Variants in EFR3A observed in about 807,000 individuals in gnomAD.
The protein encoded by EFR3A is EFR3 homolog A.
Under a neutral mutation model 104.4 loss-of-function variants are expected in EFR3A, and 76 were observed. That is an observed-to-expected ratio of 0.73 (90% CI 0.60 to 0.88). EFR3A has a LOEUF of 0.88. Ranked by LOEUF, EFR3A falls within the 40% of genes least tolerant of loss-of-function variation. The pLI is 0.00. For synonymous variants in EFR3A, 330 were observed against 330.0 expected, an observed-to-expected ratio of 1.00 and a Z score of 0.00; for missense variants, 985 against 1,012.5, an observed-to-expected ratio of 0.97 and a Z score of 0.37.
chr8:131,973,345 A>G (rs1289700011), intron 10 of EFR3A, among the ~76,000 whole-genome samples: 1 of 152,064 alleles, frequency 6.6e-6, no homozygotes, highest in African/African-American at 2.4e-5. Flanking sequence ...TAAATCAGCT[A>G]ATCTTGTTTT....
chr8:131,998,529 C>G (rs1437201277), intron 19 of EFR3A, among the ~76,000 whole-genome samples: 1 of 151,962 alleles, frequency 6.6e-6, no homozygotes. Context: ...TATTGAAATA[C>G]CTGATCCACT....
chr8:131,913,354 A>G (rs1816606013), intron 1 of EFR3A, among the ~76,000 whole-genome samples: 1 of 151,784 alleles, frequency 6.6e-6, no homozygotes, highest in African/African-American at 2.4e-5. Context: ...TCTTCTTTCC[A>G]TGTATGGTAT....
Position 131,904,223 on chromosome 8 carries a change from C to A in EFR3A, c.-90C>A. Reference sequence around the variant, plus strand: ...GCCCTTCGCCTCGTTCCGGCCTCCGCGGCCCAGCAACGGCCGTCATGGTGC... The same window carrying A: ...GCCCTTCGCCTCGTTCCGGCCTCCGAGGCCCAGCAACGGCCGTCATGGTGC... On this transcript the variant is annotated 5_prime_UTR_variant, in exon 1 of 23. Transcript: ENST00000254624. 1 of 1,244,428 alleles carries A rather than the reference C, an allele frequency of 8.0e-7. No homozygotes were observed. The highest frequency in any genetic ancestry group is 2.9e-5 in the South Asian group (1 of 34,250). The allele number at this position is 1,244,428 out of a possible 1,614,324, so 77.1% of individuals were successfully genotyped here. A position where few individuals can be genotyped will look rare whatever the true frequency, so the allele number is the denominator to read the frequency against.
intron 1 of EFR3A, chr8:131,924,089 G>A: frequency 2.7e-5 from 12 of 439,780 alleles, no homozygotes; most frequent in South Asian, 1.8e-4. Flanking sequence ...TATTTCTTAG[G>A]TCATAAAATG....
Position 131,944,886 on chromosome 8 carries a change from T to C in EFR3A, c.215+14T>C, listed in dbSNP as rs766722660. 3 of 1,603,838 alleles carry C rather than the reference T, an allele frequency of 1.9e-6. No homozygotes were observed. The African/African-American group carries it at 4.0e-5, about 22-fold the overall frequency. ...ACATCGTTCTGGGTAAGGAAACTAA[T>C]GGCTGCTAAAATAGTATCTTTGGAA... On this transcript the variant is annotated intron_variant, in intron 3 of 22. Coordinates refer to ENST00000254624, the MANE Select transcript of EFR3A (RefSeq NM_015137.6).
chr8:131,981,859 C>A (rs1820631610), intron 14 of EFR3A, among the ~76,000 whole-genome samples: 1 of 152,012 alleles, frequency 6.6e-6, no homozygotes, highest in African/African-American at 2.4e-5. Flanking sequence ...TATCACTTCA[C>A]CTGTAATTTC....
intron 22 of EFR3A, among the ~76,000 whole-genome samples, chr8:132,005,951 CATTAA>C (rs2130814520): frequency 6.6e-6 from 1 of 152,176 alleles, no homozygotes; most frequent in African/African-American, 2.4e-5. Context: ...AAGTATAATG[CATTAA>C]CACATATCTA....
chr8:131,915,440 T>C (rs16904549), intron 1 of EFR3A, among the ~76,000 whole-genome samples: 38,866 of 152,140 alleles, frequency 0.26, 5,312 homozygotes, highest in East Asian at 0.44. Flanking sequence ...GGATTTCTCT[T>C]AGCAAATATT....
intron 1 of EFR3A, among the ~76,000 whole-genome samples, chr8:131,915,252 C>T (rs1429575283): frequency 2.0e-5 from 3 of 152,138 alleles, no homozygotes; most frequent in Non-Finnish European, 2.9e-5. Context: ...ATCAATAGCT[C>T]GGGAACCTAG....
At chr8:131,979,456 TAA>T (rs1820492881) in intron 14 of EFR3A, 35 bp downstream of exon 14, 1 of 1,369,994 alleles carries the variant, frequency 7.3e-7, no homozygotes, top group Non-Finnish European at 1.0e-6. Context: ...ATGTGTAGTG[TAA>T]ATTACAGCCG....
chr8:132,010,144 A>G (rs1040143178), intron 22 of EFR3A, among the ~76,000 whole-genome samples: 1 of 151,810 alleles, frequency 6.6e-6, no homozygotes, highest in African/African-American at 2.4e-5. Context: ...AAGACTGACT[A>G]TATCTAATAT....
chr8:131,944,701 G>C, intron 2 of EFR3A, 44 bp from the exon 3 acceptor site: 1 of 1,496,390 alleles, frequency 6.7e-7, no homozygotes, highest in Non-Finnish European at 8.9e-7. Flanking sequence ...AATATAATAA[G>C]CATGAAAATA....
At chr8:131,970,372 CTATT>C (rs554827617) in intron 9 of EFR3A, 100 bp from the exon 10 acceptor site, 1 of 1,068,948 alleles carries the variant, frequency 9.4e-7, no homozygotes, top group East Asian at 2.7e-5. Flanking sequence ...GGATTTCTGA[CTATT>C]TAGAAAATTA....
chr8:131,932,319 A>G (rs1817648600), intron 1 of EFR3A, among the ~76,000 whole-genome samples: 1 of 152,154 alleles, frequency 6.6e-6, no homozygotes, highest in Admixed American at 6.6e-5. Context: ...AAAATGGTTT[A>G]GAAATGAGTG....
chr8:131,965,943 C>T (rs895459228), intron 8 of EFR3A, among the ~76,000 whole-genome samples: 3 of 152,026 alleles, frequency 2.0e-5, no homozygotes, highest in African/African-American at 7.2e-5. Context: ...CCATCATTCT[C>T]AGCAAACTAT....
intron 1 of EFR3A, among the ~76,000 whole-genome samples, chr8:131,910,668 G>C (rs1284503475): frequency 1.3e-5 from 2 of 152,224 alleles, no homozygotes; most frequent in Non-Finnish European, 2.9e-5. Context: ...ACAGTCCTCT[G>C]TGTTTCGCAG....
chr8:131,993,935 G>A (rs1239977886), intron 18 of EFR3A, among the ~76,000 whole-genome samples: 1 of 152,118 alleles, frequency 6.6e-6, no homozygotes, highest in African/African-American at 2.4e-5. Context: ...CTGTTGGAGG[G>A]TGGAGGGTGG....
chr8:131,937,871 AG>A (rs1183429152), intron 1 of EFR3A, among the ~76,000 whole-genome samples: 1 of 151,584 alleles, frequency 6.6e-6, no homozygotes, highest in African/African-American at 2.4e-5. Context: ...GTTTGTTGGA[AG>A]GGATCAGAAG....
At chr8:131,946,136 A>T (rs1818427358) in intron 3 of EFR3A, among the ~76,000 whole-genome samples, 1 of 152,076 alleles carries the variant, frequency 6.6e-6, no homozygotes, top group Non-Finnish European at 1.5e-5. Context: ...CACATTAATA[A>T]TTATTTTGGG....
Sources: allele counts gnomAD v4.1 joint callset (sites outside exome capture counted in the v4.1 genomes callset), GRCh38; gene constraint gnomAD v4.1.1; transcripts MANE v1.5; gene names NCBI Gene and HGNC (gene_info 2026-07-23, HGNC 2026-07-21).